Variants in GRB14 observed in about 807,000 individuals in gnomAD.
GRB14 encodes the protein growth factor receptor-bound protein 14.
GRB14 carries 38 observed loss-of-function variants against 69.1 expected under a neutral mutation model. The observed-to-expected ratio is 0.55, with a 90% CI of 0.42 to 0.72. The LOEUF is 0.72. Ranked by LOEUF, GRB14 falls within the 30% of genes least tolerant of loss-of-function variation. The probability of loss-of-function intolerance (pLI) is 0.00; values close to 1 mark genes in which losing one functional copy is unlikely to be tolerated. For synonymous variants in GRB14, 247 were observed against 241.3 expected, an observed-to-expected ratio of 1.02 and a Z score of -0.22; for missense variants, 666 against 666.1, an observed-to-expected ratio of 1.00 and a Z score of 0.00.
chr2:164,525,157 G>T, intron 4 of GRB14, 79 bp from the exon 5 acceptor site: 2 of 983,286 alleles, frequency 2.0e-6, no homozygotes, highest in Non-Finnish European at 3.1e-6. Flanking sequence ...GTAATCAAAA[G>T]CAAAAGTTCT....
Position 164,621,417 on chromosome 2 carries a change from G to T in GRB14, c.-108C>A, listed in dbSNP as rs1313520117. The stretch of plus-strand genomic sequence containing the variant: ...GGCTAGGCAGCCCGAGCGCTCTGCA[G>T]GTGTGGTGGCCTCGCCGCCTGCGCT... On this transcript the variant is annotated 5_prime_UTR_variant, in exon 1 of 14. The change creates a new upstream start codon in the 5' untranslated region. Coordinates refer to ENST00000263915, the MANE Select transcript of GRB14 (RefSeq NM_004490.3). The surrounding 1 kb of genome is among the most constrained non-coding windows in gnomAD (Gnocchi z 6.0). 1 of 951,128 alleles carries T rather than the reference G, an allele frequency of 1.1e-6. No individual in the cohort carries two copies. Among genetic ancestry groups the T allele is most frequent in the Non-Finnish European group, 1.4e-6 (1 of 734,064 alleles). The allele number at this position is 951,128 out of a possible 1,614,324, so 58.9% of individuals were successfully genotyped here.
chr2:164,576,080 A>G (rs935953962), intron 2 of GRB14, among the ~76,000 whole-genome samples: 21 of 152,068 alleles, frequency 1.4e-4, no homozygotes, highest in Admixed American at 3.3e-4. Flanking sequence ...ACAAATAAAA[A>G]TAAAAAGGAA....
intron 2 of GRB14, chr2:164,568,293 A>G (rs762307391): frequency 7.8e-7 from 1 of 1,276,126 alleles, no homozygotes; most frequent in South Asian, 1.3e-5. Context: ...TTAAAGAAAA[A>G]AAGGATAAAG....
intron 8 of GRB14, among the ~76,000 whole-genome samples, chr2:164,503,957 C>G (rs1365550398): frequency 6.6e-6 from 1 of 152,028 alleles, no homozygotes; most frequent in Non-Finnish European, 1.5e-5. Flanking sequence ...TAACATTTCC[C>G]CATCCTATGG....
chr2:164,507,430 C>T (rs573540525), intron 8 of GRB14, among the ~76,000 whole-genome samples: 105 of 152,132 alleles, frequency 6.9e-4, no homozygotes, highest in South Asian at 5.8e-3. Flanking sequence ...TTTTAGTACA[C>T]GCATTGTTAA....
At position 164,525,105 on chromosome 2, in the gene GRB14, C is replaced by T. The variant is rs187367775; in HGVS notation, c.604-27G>A. 843 of 1,371,354 alleles carry T rather than the reference C, an allele frequency of 6.1e-4. 4 individuals carry two copies. In the African/African-American group the frequency reaches 0.011, roughly 18 times the overall value. The allele number at this position is 1,371,354 out of a possible 1,614,324, so 84.9% of individuals were successfully genotyped here. A position where few individuals can be genotyped will look rare whatever the true frequency, so the allele number is the denominator to read the frequency against. ...TGTCAAAAAGACACAGTTAAATTAT[C>T]ACAAAATTCATGCTAGAAAAGATTC... is the stretch of plus-strand genomic sequence containing the variant. On this transcript the variant is annotated intron_variant, in intron 4 of 13. Transcript: ENST00000263915.
chr2:164,495,555 C>A (rs916034896), intron 12 of GRB14, among the ~76,000 whole-genome samples: 28 of 152,158 alleles, frequency 1.8e-4, no homozygotes, highest in African/African-American at 6.5e-4. Flanking sequence ...CAGTGCAATG[C>A]AAAACCAGTT....
At chr2:164,519,749 C>A (rs1054474863) in intron 6 of GRB14, among the ~76,000 whole-genome samples, 6 of 151,800 alleles carry the variant, frequency 4.0e-5, no homozygotes, top group African/African-American at 1.5e-4. Context: ...GATCTCAATC[C>A]CTTTTGCAAA....
intron 2 of GRB14, among the ~76,000 whole-genome samples, chr2:164,589,670 G>A (rs1689616082): frequency 6.6e-6 from 1 of 152,066 alleles, no homozygotes; most frequent in Non-Finnish European, 1.5e-5. Flanking sequence ...TCAGTCCCAT[G>A]GCCCAAACAG....
At position 164,547,674 on chromosome 2, in the gene GRB14, G is replaced by A; in HGVS notation, c.467C>T (p.Pro156Leu). Reference protein sequence around the residue: ...DHSWTLFEHLPHIGVERTIED... With the variant: ...DHSWTLFEHLLHIGVERTIED... ...CGTATCCTTACCTACACCTATGTGAGGCAGGTGCTCAAAAAGGGTCCAGCT... is the reference window on the plus strand; with the variant it reads ...CGTATCCTTACCTACACCTATGTGAAGCAGGTGCTCAAAAAGGGTCCAGCT... The change falls in exon 3 of 14, where the codon CCT becomes CTT. Residue 156 changes from proline to leucine, a missense_variant. Pro to Leu is a moderately conservative substitution (Grantham distance 98, BLOSUM62 -3). Transcript: ENST00000263915. 1.9e-6 allele frequency: 3 copies of A among 1,613,430 alleles called. No homozygotes were observed. The highest frequency in any genetic ancestry group is 2.5e-6 in the Non-Finnish European group (3 of 1,179,524).
At chr2:164,546,243 T>A (rs977650769) in intron 3 of GRB14, among the ~76,000 whole-genome samples, 4 of 152,218 alleles carry the variant, frequency 2.6e-5, no homozygotes, top group Admixed American at 6.5e-5. Context: ...GTTTCTACTT[T>A]GCGCTACTTT....
At chr2:164,563,157 T>C (rs556457054) in intron 2 of GRB14, among the ~76,000 whole-genome samples, 1 of 152,310 alleles carries the variant, frequency 6.6e-6, no homozygotes, top group Non-Finnish European at 1.5e-5. Flanking sequence ...ACAGGAAATC[T>C]GCTCTCTCCC....
intron 2 of GRB14, among the ~76,000 whole-genome samples, chr2:164,564,801 G>T (rs1352971385): frequency 6.6e-6 from 1 of 152,100 alleles, no homozygotes; most frequent in East Asian, 1.9e-4. Context: ...AGATCACAAG[G>T]TCAGGAGATG....
intron 9 of GRB14, among the ~76,000 whole-genome samples, chr2:164,501,160 G>C (rs920426079): frequency 1.2e-4 from 18 of 151,958 alleles, no homozygotes; most frequent in Non-Finnish European, 2.6e-4. Context: ...GTGCCCCTTA[G>C]TTTCTTATTT....
At chr2:164,571,750 G>A (rs1471726922) in intron 2 of GRB14, among the ~76,000 whole-genome samples, 1 of 152,124 alleles carries the variant, frequency 6.6e-6, no homozygotes, top group Non-Finnish European at 1.5e-5. Context: ...AAATGGTCTT[G>A]GGTTTAAGCA....
intron 8 of GRB14, among the ~76,000 whole-genome samples, chr2:164,506,448 A>G (rs933478727): frequency 6.6e-6 from 1 of 152,252 alleles, no homozygotes. Context: ...AACCAAAAAA[A>G]GTAAATAACA....
intron 2 of GRB14, among the ~76,000 whole-genome samples, chr2:164,607,804 T>C (rs995263228): frequency 6.6e-6 from 1 of 152,334 alleles, no homozygotes; most frequent in Non-Finnish European, 1.5e-5. Flanking sequence ...TTCAAATTAA[T>C]ACACTCGGAA....
chr2:164,569,217 T>A (rs1689066354), intron 2 of GRB14, among the ~76,000 whole-genome samples: 1 of 152,192 alleles, frequency 6.6e-6, no homozygotes, highest in Non-Finnish European at 1.5e-5. Flanking sequence ...TTAATGACCA[T>A]TTTGCATTTC....
At chr2:164,517,006 G>A (rs552450547) in intron 6 of GRB14, among the ~76,000 whole-genome samples, 5 of 152,234 alleles carry the variant, frequency 3.3e-5, no homozygotes, top group Admixed American at 1.3e-4. Context: ...CTGGGTGACA[G>A]AGCAAGACTC....
Sources: gnomAD v4.1 joint callset for allele counts (sites outside exome capture counted in the v4.1 genomes callset) on GRCh38, gnomAD v4.1.1 for gene constraint, Gnocchi (gnomAD v3.1) non-coding constraint, MANE v1.5 for transcripts, NCBI Gene and HGNC (gene_info 2026-07-23, HGNC 2026-07-21) for gene names.